Variants in CLVS1 observed in about 807,000 individuals in gnomAD.
CLVS1 encodes the protein clavesin 1, also known as clavesin-1.
In CLVS1, 10 loss-of-function variants were observed where a neutral mutation model predicts 33.1. That is an observed-to-expected ratio of 0.30 (90% CI 0.19 to 0.51). The LOEUF is 0.51. Among genes scored for constraint, CLVS1 ranks in the 20% least tolerant of loss-of-function variants. CLVS1 has a pLI of 0.97. For missense variants in CLVS1, 343 were observed against 433.4 expected (o/e 0.79, Z 1.85); for synonymous variants, 163 against 166.1 (o/e 0.98, Z 0.14).
chr8:61,083,822 G>A (rs988600558), intron 1 of CLVS1, among the ~76,000 whole-genome samples: 4 of 152,158 alleles, frequency 2.6e-5, no homozygotes, highest in East Asian at 3.9e-4. Flanking sequence ...ATTTTCCTGC[G>A]TTGAAGAAAT....
intron 1 of CLVS1, among the ~76,000 whole-genome samples, chr8:61,062,355 CG>C (rs1371610622): frequency 6.6e-6 from 1 of 152,156 alleles, no homozygotes; most frequent in African/African-American, 2.4e-5. Context: ...CAAAGCCAGG[CG>C]TAGAGACAGG....
intron 1 of CLVS1, among the ~76,000 whole-genome samples, chr8:61,294,272 T>A (rs1303294622): frequency 1.3e-5 from 2 of 152,126 alleles, no homozygotes; most frequent in Non-Finnish European, 2.9e-5. Flanking sequence ...TCTTTGTTCT[T>A]TCAGCCATAT....
At chr8:61,156,214 C>CAAA (rs56094016) in intron 2 of CLVS1, among the ~76,000 whole-genome samples, 3,116 of 56,142 alleles carry the variant, frequency 0.056, 286 homozygotes, top group African/African-American at 0.12. Context: ...GATTCCATCT[C>CAAA]AAAAAAAAAA....
intron 2 of CLVS1, among the ~76,000 whole-genome samples, chr8:61,227,683 C>T (rs755170239): frequency 2.1e-4 from 32 of 152,276 alleles, no homozygotes; most frequent in Non-Finnish European, 4.6e-4. Context: ...AGGCTCATCT[C>T]GCTCTCTGTC....
At chr8:61,463,877 G>A (rs562599818) in intron 5 of CLVS1, among the ~76,000 whole-genome samples, 1 of 151,818 alleles carries the variant, frequency 6.6e-6, no homozygotes, top group South Asian at 2.1e-4. Context: ...GATCATCCTG[G>A]GCAACATGGT....
chr8:61,315,286 A>T (rs996588723), intron 2 of CLVS1, among the ~76,000 whole-genome samples: 7 of 152,226 alleles, frequency 4.6e-5, no homozygotes, highest in African/African-American at 1.7e-4. Flanking sequence ...GCTATTAAAG[A>T]TAAGGCTTTG....
chr8:61,252,613 C>A (rs970667906), intron 2 of CLVS1, among the ~76,000 whole-genome samples: 4 of 152,166 alleles, frequency 2.6e-5, no homozygotes, highest in African/African-American at 4.8e-5. Context: ...GTATTGGGTG[C>A]ATATATATTT....
intron 3 of CLVS1, among the ~76,000 whole-genome samples, chr8:61,448,838 G>T (rs1052761547): frequency 6.6e-6 from 1 of 151,682 alleles, no homozygotes; most frequent in African/African-American, 2.4e-5. Context: ...TTGAAACATT[G>T]TTCGTGATGG....
At chr8:61,249,136 A>C (rs12679546) in intron 2 of CLVS1, among the ~76,000 whole-genome samples, 74,039 of 151,826 alleles carry the variant, frequency 0.49, 19,255 homozygotes, top group East Asian at 0.96. Flanking sequence ...CATTGTTCAA[A>C]TCTCACTTAT....
At chr8:61,474,249 C>T (rs1159285667) in intron 5 of CLVS1, among the ~76,000 whole-genome samples, 1 of 152,122 alleles carries the variant, frequency 6.6e-6, no homozygotes, top group Admixed American at 6.5e-5. Flanking sequence ...GAGTCATCAA[C>T]TCTATTTACT....
chr8:61,037,307 T>C, the CLVS1 span, among the ~76,000 whole-genome samples: 1 of 152,170 alleles, frequency 6.6e-6, no homozygotes, highest in Non-Finnish European at 1.5e-5. Flanking sequence ...CCACAGCTCC[T>C]GGGGACTGCC....
intron 1 of CLVS1, among the ~76,000 whole-genome samples, chr8:61,122,409 G>A (rs1206645509): frequency 6.6e-6 from 1 of 152,002 alleles, no homozygotes; most frequent in Non-Finnish European, 1.5e-5. Context: ...CCAGGTACTC[G>A]GGCCAGGGAT....
At chr8:61,033,027 AAG>A in the CLVS1 span, among the ~76,000 whole-genome samples, 460 of 120,602 alleles carry the variant, frequency 3.8e-3, 5 homozygotes, top group African/African-American at 0.014. Context: ...GAAAGAAAGA[AAG>A]AAAGAAAGAA....
At chr8:61,132,053 C>T (rs920925994) in intron 2 of CLVS1, among the ~76,000 whole-genome samples, 1 of 152,196 alleles carries the variant, frequency 6.6e-6, no homozygotes, top group African/African-American at 2.4e-5. Context: ...TCAAGGGTGC[C>T]AAGTGAGCCA....
chr8:61,253,374 T>C (rs1563463915), intron 2 of CLVS1, among the ~76,000 whole-genome samples: 1 of 152,196 alleles, frequency 6.6e-6, no homozygotes, highest in Non-Finnish European at 1.5e-5. Context: ...CATTTCAACT[T>C]TGGTGAATCT....
chr8:61,406,618 T>TG (rs57210777), intron 3 of CLVS1, among the ~76,000 whole-genome samples: 2,329 of 144,952 alleles, frequency 0.016, 44 homozygotes, highest in African/African-American at 0.042. Context: ...GTTTTTTTTG[T>TG]GGGGGGGGGG....
At chr8:61,184,700 T>A (rs6471935) in intron 2 of CLVS1, among the ~76,000 whole-genome samples, 4 of 151,946 alleles carry the variant, frequency 2.6e-5, no homozygotes, top group Non-Finnish European at 5.9e-5. Context: ...AAACAAAAGA[T>A]GCCAGGAAGT....
chr8:61,353,338 C>G (rs903630572), intron 2 of CLVS1, among the ~76,000 whole-genome samples: 1 of 151,938 alleles, frequency 6.6e-6, no homozygotes, highest in Admixed American at 6.6e-5. Flanking sequence ...TGAAATCATA[C>G]TAAGTGTTTT....
chr8:61,372,081 A>T (rs1382730051), intron 2 of CLVS1, among the ~76,000 whole-genome samples: 7 of 152,210 alleles, frequency 4.6e-5, no homozygotes, highest in Non-Finnish European at 8.8e-5. Flanking sequence ...ATTATAGAAA[A>T]GGGTGGAAGA....
Sources: gnomAD v4.1 joint callset for allele counts (sites outside exome capture counted in the v4.1 genomes callset) on GRCh38, gnomAD v4.1.1 for gene constraint, MANE v1.5 for transcripts, NCBI Gene and HGNC (gene_info 2026-07-23, HGNC 2026-07-21) for gene names.